Variants in SGCZ observed in about 807,000 individuals in gnomAD.
The protein encoded by SGCZ is sarcoglycan zeta.
Under a neutral mutation model 41.3 loss-of-function variants are expected in SGCZ, and 40 were observed. That is an observed-to-expected ratio of 0.97 (90% CI 0.75 to 1.26). The LOEUF (loss-of-function observed/expected upper bound fraction) is 1.26, where lower values mean the gene tolerates loss of function less well. Ranked by LOEUF, SGCZ falls within the 50% of genes most tolerant of loss-of-function variation. SGCZ has a pLI of 0.00. For missense variants in SGCZ, 552 were observed against 369.8 expected, an observed-to-expected ratio of 1.49 and a Z score of -4.04; for synonymous variants, 206 against 137.5, an observed-to-expected ratio of 1.50 and a Z score of -3.49.
chr8:15,032,769 C>A (rs1803723954), intron 1 of SGCZ, among the ~76,000 whole-genome samples: 1 of 152,122 alleles, frequency 6.6e-6, no homozygotes, highest in Non-Finnish European at 1.5e-5. Context: ...GTCAGGCCTG[C>A]CCTAGTACCA....
At chr8:14,691,736 T>C (rs1808804194) in intron 1 of SGCZ, among the ~76,000 whole-genome samples, 1 of 152,038 alleles carries the variant, frequency 6.6e-6, no homozygotes, top group Admixed American at 6.5e-5. Context: ...TAATCATGTG[T>C]CCAAATACAG....
intron 3 of SGCZ, among the ~76,000 whole-genome samples, chr8:14,317,612 A>G (rs1040659195): frequency 6.6e-6 from 1 of 152,022 alleles, no homozygotes; most frequent in Admixed American, 6.6e-5. Flanking sequence ...CTAACAGGAA[A>G]TATGCAATGC....
intron 4 of SGCZ, among the ~76,000 whole-genome samples, chr8:14,236,493 T>C (rs965544180): frequency 8.5e-5 from 13 of 152,062 alleles, no homozygotes; most frequent in Non-Finnish European, 5.9e-5. Flanking sequence ...AAAATTCATG[T>C]TTCTAAAGCT....
chr8:15,176,776 C>A (rs190491899), intron 1 of SGCZ, among the ~76,000 whole-genome samples: 1 of 152,070 alleles, frequency 6.6e-6, no homozygotes, highest in African/African-American at 2.4e-5. Flanking sequence ...CCGAGGTGGG[C>A]GGATCACAAG....
chr8:14,136,624 G>C (rs1803207445), intron 5 of SGCZ, among the ~76,000 whole-genome samples: 1 of 152,170 alleles, frequency 6.6e-6, no homozygotes, highest in Non-Finnish European at 1.5e-5. Flanking sequence ...GCTGAGGCTT[G>C]ACTAGGTAAA....
At chr8:14,778,943 C>T (rs780206368) in intron 1 of SGCZ, among the ~76,000 whole-genome samples, 1 of 152,188 alleles carries the variant, frequency 6.6e-6, no homozygotes, top group Admixed American at 6.5e-5. Flanking sequence ...GTCTCACACT[C>T]CATGACCTAG....
chr8:14,165,595 T>A (rs1415867529), intron 4 of SGCZ, among the ~76,000 whole-genome samples: 2 of 152,128 alleles, frequency 1.3e-5, no homozygotes, highest in African/African-American at 4.8e-5. Context: ...GGCATATGGA[T>A]CTATAGTTCC....
At chr8:15,199,878 T>C (rs760039484) in intron 1 of SGCZ, among the ~76,000 whole-genome samples, 8 of 152,200 alleles carry the variant, frequency 5.3e-5, no homozygotes. Context: ...ATTTCTTAAA[T>C]GCATTACTTC....
At chr8:14,594,210 A>G (rs1269593470) in intron 1 of SGCZ, among the ~76,000 whole-genome samples, 1 of 144,272 alleles carries the variant, frequency 6.9e-6, no homozygotes, top group Non-Finnish European at 1.6e-5. Flanking sequence ...ATAAATAAAT[A>G]AATAAATAAA....
chr8:15,093,473 A>G (rs1256049996), intron 1 of SGCZ, among the ~76,000 whole-genome samples: 11 of 152,240 alleles, frequency 7.2e-5, no homozygotes, highest in Admixed American at 7.2e-4. Flanking sequence ...TTTGTAGTAT[A>G]ATCAGCATAA....
intron 2 of SGCZ, among the ~76,000 whole-genome samples, chr8:14,553,290 T>A (rs946134407): frequency 3.3e-5 from 5 of 152,006 alleles, no homozygotes; most frequent in Non-Finnish European, 7.4e-5. Context: ...TTCAGATGCA[T>A]TCCCAGAGAA....
At chr8:14,910,748 A>C (rs1193223303) in intron 1 of SGCZ, among the ~76,000 whole-genome samples, 1 of 151,954 alleles carries the variant, frequency 6.6e-6, no homozygotes, top group Non-Finnish European at 1.5e-5. Flanking sequence ...ACCTATTATG[A>C]AAATAGGAAG....
chr8:15,172,179 T>TTTTTAA (rs1355966928), intron 1 of SGCZ, among the ~76,000 whole-genome samples: 1 of 142,196 alleles, frequency 7.0e-6, no homozygotes, highest in African/African-American at 2.6e-5. Flanking sequence ...TTTTTTTTTT[T>TTTTTAA]GAGACGGAGT....
chr8:14,953,710 C>T lies in SGCZ; in HGVS notation c.39+283875G>A, dbSNP rs187537285. On this transcript the variant is annotated intron_variant, in intron 1 of 7. Coordinates refer to ENST00000382080, the MANE Select transcript of SGCZ (RefSeq NM_139167.4). Reference sequence around the variant, plus strand: ...GACTCAATTTCCCCATTTGCAAAAACGGGAAAATAATGACGCCTCTAGCAT... The same window carrying T: ...GACTCAATTTCCCCATTTGCAAAAATGGGAAAATAATGACGCCTCTAGCAT... 1.8e-4 allele frequency among the ~76,000 whole-genome samples: 27 copies of T among 152,150 alleles called. No homozygotes were observed. The East Asian group carries it at 3.9e-3, about 22-fold the overall frequency.
intron 1 of SGCZ, among the ~76,000 whole-genome samples, chr8:15,139,833 T>C (rs268423): frequency 0.96 from 146,465 of 152,190 alleles, 70,687 homozygotes; most frequent in East Asian, 1. Context: ...TTAGTGATAG[T>C]CTAGAAATAA....
At chr8:14,226,346 G>A (rs994180207) in intron 4 of SGCZ, among the ~76,000 whole-genome samples, 1 of 151,984 alleles carries the variant, frequency 6.6e-6, no homozygotes, top group Non-Finnish European at 1.5e-5. Flanking sequence ...TATAGGACAG[G>A]TTCATCACCC....
At chr8:15,069,721 C>T (rs531920189) in intron 1 of SGCZ, among the ~76,000 whole-genome samples, 2 of 152,292 alleles carry the variant, frequency 1.3e-5, no homozygotes, top group South Asian at 2.1e-4. Flanking sequence ...ATATAATTAA[C>T]AGAAAGCACT....
At chr8:14,432,438 A>G (rs1799968831) in intron 2 of SGCZ, among the ~76,000 whole-genome samples, 1 of 152,228 alleles carries the variant, frequency 6.6e-6, no homozygotes, top group Admixed American at 6.5e-5. Flanking sequence ...ATGGAAAACT[A>G]AACAACCTAT....
intron 1 of SGCZ, among the ~76,000 whole-genome samples, chr8:14,838,666 C>A (rs1007346660): frequency 6.6e-6 from 1 of 152,194 alleles, no homozygotes. Flanking sequence ...TCCTTTTCTG[C>A]TACCTGGACC....
Sources: gnomAD v4.1 joint callset for allele counts (sites outside exome capture counted in the v4.1 genomes callset) on GRCh38, gnomAD v4.1.1 for gene constraint, MANE v1.5 for transcripts, NCBI Gene and HGNC (gene_info 2026-07-23, HGNC 2026-07-21) for gene names.